ADAMTS2: variants seen among roughly 807,000 people sequenced by gnomAD.
ADAMTS2 encodes the protein ADAM metallopeptidase with thrombospondin type 1 motif 2.
A neutral mutation model predicts 123.0 loss-of-function variants in ADAMTS2; 50 were observed. The ratio of observed to expected loss-of-function variants is 0.41; its 90% confidence interval spans 0.32 to 0.51. The LOEUF is 0.51. Ranked by LOEUF, ADAMTS2 falls within the 20% of genes least tolerant of loss-of-function variation. ADAMTS2 has a pLI of 0.35. For synonymous variants in ADAMTS2, 678 were observed against 695.4 expected (o/e 0.98, Z 0.39); for missense variants, 1,494 against 1,705.2 (o/e 0.88, Z 2.18).
In ADAMTS2 at chr5:179,158,573, G is replaced by A. The variant is rs72818609; in HGVS notation, c.1132+150C>T. The stretch of plus-strand genomic sequence containing the variant: ...TGATGTATTTGTCCATCAGTGCACT[G>A]CCCCACACCCTCACCCAGCTAAGGT... On this transcript the variant is annotated intron_variant, in intron 6 of 21. Coordinates refer to ENST00000251582, the MANE Select transcript of ADAMTS2 (RefSeq NM_014244.5). The surrounding 1 kb of genome is among the most constrained non-coding windows in gnomAD (Gnocchi z 5.0). 3,934 of 984,562 alleles carry A rather than the reference G, an allele frequency of 4.0e-3. 18 individuals carry two copies. Among genetic ancestry groups the A allele is most frequent in the Admixed American group, 7.0e-3 (363 of 52,006 alleles). The allele number at this position is 984,562 out of a possible 1,614,324, so 61.0% of individuals were successfully genotyped here.
chr5:179,287,577 G>T (rs1267089181), intron 2 of ADAMTS2, among the ~76,000 whole-genome samples: 1 of 151,698 alleles, frequency 6.6e-6, no homozygotes, highest in Admixed American at 6.6e-5. Context: ...CGATCCCAAG[G>T]CTGAGTCTAC....
At chr5:179,183,321 G>A (rs1302016351) in intron 4 of ADAMTS2, among the ~76,000 whole-genome samples, 1 of 152,220 alleles carries the variant, frequency 6.6e-6, no homozygotes, top group Non-Finnish European at 1.5e-5. Flanking sequence ...GTCTGACCGA[G>A]GGAAGGTCCC....
At chr5:179,286,896 C>A (rs1581247548) in intron 2 of ADAMTS2, among the ~76,000 whole-genome samples, 1 of 152,160 alleles carries the variant, frequency 6.6e-6, no homozygotes, top group East Asian at 1.9e-4. Flanking sequence ...TACTTCTGTC[C>A]TAATCGCTTC....
At position 179,125,106 on chromosome 5, in the gene ADAMTS2, C is replaced by T; in HGVS notation, c.2825G>A (p.Cys942Tyr). 6.2e-7 allele frequency: 1 copy of T among 1,612,936 alleles called. No homozygotes were observed. Among genetic ancestry groups the T allele is most frequent in the Non-Finnish European group, 8.5e-7 (1 of 1,179,900 alleles). The change falls in exon 19 of 22, where the codon TGC (cysteine) becomes TAC (tyrosine). Residue 942 changes from cysteine to tyrosine, a missense_variant. Cys to Tyr is a radical substitution (Grantham distance 194). Transcript: ENST00000251582. ...GGTGTTGTCGTGTAGCGGCTGAATG[C>T]AGCGCACGGAGCGCACCTGCATGCC... Reference protein sequence around the residue: ...RTGMQVRSVRCIQPLHDNTTR... With the variant: ...RTGMQVRSVRYIQPLHDNTTR...
chr5:179,302,074 C>T (rs1333331248), intron 2 of ADAMTS2, among the ~76,000 whole-genome samples: 3 of 152,168 alleles, frequency 2.0e-5, no homozygotes. Flanking sequence ...AGCCTCTGGC[C>T]AGCGTCAGGA....
chr5:179,121,501 G>A (rs906520650), intron 21 of ADAMTS2, 160 bp downstream of exon 21: 18 of 536,126 alleles, frequency 3.4e-5, no homozygotes, highest in Non-Finnish European at 4.8e-5. Context: ...CGGAGCGGAC[G>A]CCGAGCTCAG....
chr5:179,320,339 G>A lies in ADAMTS2; in HGVS notation c.534+23428C>T, dbSNP rs554870546. 1.0e-3 allele frequency among the ~76,000 whole-genome samples: 158 copies of A among 152,180 alleles called. 1 individual carries two copies. The highest frequency in any genetic ancestry group is 1.8e-3 in the Non-Finnish European group (124 of 68,012). On this transcript the variant is annotated intron_variant, in intron 2 of 21. Coordinates refer to ENST00000251582, the MANE Select transcript of ADAMTS2 (RefSeq NM_014244.5). ...TGGGTTTTTTTTGAGACGGAGTCTC[G>A]CTCTGTCACTCAGGCTGGAGTGCAG...
At chr5:179,154,224 A>G in intron 7 of ADAMTS2, 32 bp from the exon 8 acceptor site, 1 of 1,539,050 alleles carries the variant, frequency 6.5e-7, no homozygotes, top group East Asian at 2.4e-5. Flanking sequence ...GCTGAATCCC[A>G]CTGGCACACG....
chr5:179,112,399 T>C lies in ADAMTS2; in HGVS notation c.*1468A>G, dbSNP rs2059776. 0.73 allele frequency: 111,291 copies of C among 152,068 alleles called. 41,028 individuals are homozygous for C. Among genetic ancestry groups the C allele is most frequent in the East Asian group, 0.89 (4,583 of 5,172 alleles). The allele number at this position is 152,068 out of a possible 1,614,324, so 9.4% of individuals were successfully genotyped here. The stretch of plus-strand genomic sequence containing the variant: ...ATGTCAAGGCAGTGAGAGGTAAAAA[T>C]GAGCCACTCTTCTCCCATCCGCCCC... On this transcript the variant is annotated 3_prime_UTR_variant, in exon 22 of 22. Transcript: ENST00000251582.
rs544270147 is a variant in ADAMTS2 at position 179,115,091 on chromosome 5, T to G, written c.3179-767A>C. 2.0e-5 allele frequency among the ~76,000 whole-genome samples: 3 copies of G among 152,300 alleles called. No homozygotes were observed. The highest frequency in any genetic ancestry group is 1.3e-4 in the Admixed American group (2 of 15,302). On this transcript the variant is annotated intron_variant, in intron 21 of 21. Transcript: ENST00000251582. The surrounding 1 kb of genome is among the most constrained non-coding windows in gnomAD (Gnocchi z 4.4). The stretch of plus-strand genomic sequence containing the variant: ...CTCACATAGATTAATCGTTCCACCC[T>G]GCACATCTTTCTCTTTCCTTTCCAC...
In ADAMTS2 at chr5:179,262,473, C is replaced by T. The variant is rs1280521153; in HGVS notation, c.688+10438G>A. 6.6e-6 allele frequency among the ~76,000 whole-genome samples: 1 copy of T among 152,080 alleles called. No individual in the cohort carries two copies. Among genetic ancestry groups the T allele is most frequent in the Admixed American group, 6.5e-5 (1 of 15,276 alleles). On this transcript the variant is annotated intron_variant, in intron 3 of 21. Transcript: ENST00000251582. This position sits in a 1 kb window ranked among gnomAD's most constrained non-coding sequence, Gnocchi z 5.9. The stretch of plus-strand genomic sequence containing the variant: ...AATTCTCACCCCGTACCGTGACCGT[C>T]CCTTCAAAGCGATGAGTGCCACCCA...
chr5:179,251,045 C>T (rs970264336), intron 3 of ADAMTS2, among the ~76,000 whole-genome samples: 1 of 152,192 alleles, frequency 6.6e-6, no homozygotes, highest in African/African-American at 2.4e-5. Flanking sequence ...CTCACTCCTC[C>T]CTCCCAGGGC....
intron 2 of ADAMTS2, among the ~76,000 whole-genome samples, chr5:179,310,540 C>G (rs1360983425): frequency 6.6e-6 from 1 of 152,136 alleles, no homozygotes; most frequent in Non-Finnish European, 1.5e-5. Context: ...TCTGGGCCAC[C>G]CACCGGTGCT....
chr5:179,331,727 G>T (rs1358493629), intron 2 of ADAMTS2, among the ~76,000 whole-genome samples: 2 of 152,114 alleles, frequency 1.3e-5, no homozygotes, highest in Admixed American at 1.3e-4. Context: ...CTGTCGGCAG[G>T]GCTGAGCCCT....
chr5:179,201,911 C>T (rs1036901368), intron 4 of ADAMTS2, among the ~76,000 whole-genome samples: 2 of 152,132 alleles, frequency 1.3e-5, no homozygotes, highest in African/African-American at 2.4e-5. Context: ...AAACTGGACC[C>T]AGCAGGGGCT....
Position 179,260,913 on chromosome 5 carries a change from G to A in ADAMTS2, c.688+11998C>T, listed in dbSNP as rs577464047. Among the ~76,000 whole-genome samples the A allele has an allele frequency of 6.6e-6, 1 of 152,084 alleles. No homozygotes were observed. The highest frequency in any genetic ancestry group is 2.4e-5 in the African/African-American group (1 of 41,408). ...TTCTCTCTGCTTCCAGGACTACCGT[G>A]CCTATTAAATGACACCATGAAGAGT... On this transcript the variant is annotated intron_variant, in intron 3 of 21. Transcript: ENST00000251582. This position sits in a 1 kb window ranked among gnomAD's most constrained non-coding sequence, Gnocchi z 4.2.
intron 8 of ADAMTS2, 119 bp downstream of exon 8, chr5:179,153,930 A>G (rs1281827978): frequency 7.2e-7 from 1 of 1,388,752 alleles, no homozygotes; most frequent in African/African-American, 1.4e-5. Flanking sequence ...TCCCCCGCAC[A>G]CAAGCTTAGA....
At chr5:179,160,931 G>T (rs1763581008) in intron 5 of ADAMTS2, among the ~76,000 whole-genome samples, 1 of 152,134 alleles carries the variant, frequency 6.6e-6, no homozygotes, top group African/African-American at 2.4e-5. Context: ...CTCCTTTCTG[G>T]CACGAGATCT....
rs1764733920 is a variant in ADAMTS2, at chr5:179,207,639, C to A, written c.765G>T (p.Arg255=). ...VLEEHANSSR[R]RARRHAADDD... is the part of the protein sequence containing the mutation. ...CGTCCGCAGCATGCCTGCGTGCCCT[C>A]CGCCTCGAGCTGTTGGCGTGCTCCT... The change falls in exon 4 of 22, where the codon CGG becomes CGT. Residue 255 remains arginine, a synonymous_variant. Coordinates refer to ENST00000251582, the MANE Select transcript of ADAMTS2 (RefSeq NM_014244.5). The A allele has an allele frequency of 6.2e-7, 1 of 1,613,686 alleles. No individual in the cohort carries two copies.
Sources: allele counts gnomAD v4.1 joint callset (sites outside exome capture counted in the v4.1 genomes callset), GRCh38; gene constraint gnomAD v4.1.1; non-coding constraint Gnocchi (gnomAD v3.1); transcripts MANE v1.5; gene names NCBI Gene and HGNC (gene_info 2026-07-23, HGNC 2026-07-21).